The following CCDC85A variants were observed in gnomAD, a reference collection of about 807,000 sequenced individuals.
CCDC85A encodes coiled-coil domain-containing protein 85A.
CCDC85A carries 38 observed loss-of-function variants against 50.2 expected under a neutral mutation model. The ratio of observed to expected loss-of-function variants is 0.76; its 90% CI spans 0.58 to 0.99. CCDC85A has a LOEUF of 0.99. CCDC85A is among the 50% of genes least tolerant of loss of function. CCDC85A has a pLI of 0.00. For missense variants in CCDC85A, 820 were observed against 742.0 expected (o/e 1.11, Z -1.22); for synonymous variants, 366 against 301.4 (o/e 1.21, Z -2.22).
intron 2 of CCDC85A, among the ~76,000 whole-genome samples, chr2:56,267,505 A>G (rs1030766590): frequency 1.3e-5 from 2 of 152,198 alleles, no homozygotes; most frequent in Non-Finnish European, 2.9e-5. Context: ...GGTATATTCA[A>G]CATAGTACAC....
chr2:56,323,241 T>C (rs1016499206), intron 2 of CCDC85A, among the ~76,000 whole-genome samples: 1 of 152,130 alleles, frequency 6.6e-6, no homozygotes, highest in Non-Finnish European at 1.5e-5. Context: ...CATGTATACA[T>C]ATGTAACAAA....
intron 3 of CCDC85A, among the ~76,000 whole-genome samples, chr2:56,354,842 A>C (rs1032868071): frequency 2.6e-5 from 4 of 152,218 alleles, no homozygotes; most frequent in Non-Finnish European, 4.4e-5. Context: ...ATTAAAAATT[A>C]TACAAAGTAT....
At chr2:56,322,453 A>G (rs1673251082) in intron 2 of CCDC85A, among the ~76,000 whole-genome samples, 1 of 152,190 alleles carries the variant, frequency 6.6e-6, no homozygotes, top group Non-Finnish European at 1.5e-5. Flanking sequence ...ACAAGAAAAA[A>G]TCAAACAACC....
chr2:56,299,085 T>C (rs375845764), intron 2 of CCDC85A, among the ~76,000 whole-genome samples: 76 of 152,316 alleles, frequency 5.0e-4, no homozygotes, highest in Admixed American at 5.9e-4. Flanking sequence ...TTTCCCCACC[T>C]GTAGTTCTCA....
chr2:56,364,953 T>C (rs545019207), intron 3 of CCDC85A, among the ~76,000 whole-genome samples: 45 of 152,300 alleles, frequency 3.0e-4, no homozygotes, highest in African/African-American at 9.4e-4. Flanking sequence ...GATCAATCTG[T>C]CCACCACCAA....
chr2:56,225,271 A>G (rs1668495549), intron 2 of CCDC85A, among the ~76,000 whole-genome samples: 1 of 152,110 alleles, frequency 6.6e-6, no homozygotes, highest in Non-Finnish European at 1.5e-5. Context: ...AAAATTATAT[A>G]AACAACTAGC....
intron 2 of CCDC85A, among the ~76,000 whole-genome samples, chr2:56,244,463 C>G (rs902932012): frequency 6.6e-6 from 1 of 151,930 alleles, no homozygotes; most frequent in Non-Finnish European, 1.5e-5. Flanking sequence ...CTTTCAGGGA[C>G]TTAGGCTCCC....
At chr2:56,275,112 G>A (rs1477905168) in intron 2 of CCDC85A, among the ~76,000 whole-genome samples, 2 of 151,862 alleles carry the variant, frequency 1.3e-5, no homozygotes, top group Non-Finnish European at 2.9e-5. Flanking sequence ...ATGACTTTTT[G>A]TTGTTGTTAG....
chr2:56,245,868 G>A (rs1223293811), intron 2 of CCDC85A, among the ~76,000 whole-genome samples: 1 of 152,188 alleles, frequency 6.6e-6, no homozygotes, highest in Middle Eastern at 3.2e-3. Flanking sequence ...CAGACCAAAT[G>A]CCATCTCCTT....
intron 2 of CCDC85A, among the ~76,000 whole-genome samples, chr2:56,249,624 C>T (rs1272918849): frequency 1.3e-5 from 2 of 152,228 alleles, no homozygotes; most frequent in Non-Finnish European, 2.9e-5. Flanking sequence ...AGAAACTTGA[C>T]CTTGTTACAT....
At position 56,257,462 on chromosome 2, in the gene CCDC85A, C is replaced by T. The variant is rs185277750; in HGVS notation, c.1240+64022C>T. ...AAATAAACAGCTAGGGGCAAGCATA[C>T]GACGAGGGGCCAAAAACAATGGAGG... On this transcript the variant is annotated intron_variant, in intron 2 of 5. Transcript: ENST00000407595. 3.1e-3 allele frequency among the ~76,000 whole-genome samples: 476 copies of T among 152,056 alleles called. 9 individuals are homozygous for T. Among genetic ancestry groups the T allele is most frequent in the African/African-American group, 0.011 (461 of 41,486 alleles).
intron 2 of CCDC85A, among the ~76,000 whole-genome samples, chr2:56,278,647 C>T (rs1671070893): frequency 6.6e-6 from 1 of 152,082 alleles, no homozygotes; most frequent in East Asian, 1.9e-4. Context: ...AATCTCGGCT[C>T]ACTGCAACCT....
intron 2 of CCDC85A, among the ~76,000 whole-genome samples, chr2:56,251,653 C>A (rs1249922421): frequency 2.0e-5 from 3 of 152,052 alleles, no homozygotes; most frequent in Admixed American, 2.0e-4. Context: ...TTTACCTGCT[C>A]TGCCTCTTCT....
At chr2:56,221,541 T>C (rs1247454433) in intron 2 of CCDC85A, among the ~76,000 whole-genome samples, 1 of 152,106 alleles carries the variant, frequency 6.6e-6, no homozygotes, top group Admixed American at 6.6e-5. Flanking sequence ...GCAGTTGTTA[T>C]TGTAATTTTG....
intron 2 of CCDC85A, among the ~76,000 whole-genome samples, chr2:56,295,275 C>T (rs1197642133): frequency 6.6e-6 from 1 of 152,110 alleles, no homozygotes; most frequent in South Asian, 2.1e-4. Flanking sequence ...TTTTTGCTCA[C>T]AGTTTTTAAG....
intron 2 of CCDC85A, among the ~76,000 whole-genome samples, chr2:56,205,999 C>T (rs1055264288): frequency 6.6e-6 from 1 of 151,864 alleles, no homozygotes; most frequent in African/African-American, 2.4e-5. Context: ...TTTAGATAGG[C>T]TGGCAGGAGG....
chr2:56,366,577 G>T (rs996437007), intron 3 of CCDC85A, among the ~76,000 whole-genome samples: 11 of 152,140 alleles, frequency 7.2e-5, no homozygotes, highest in Admixed American at 5.9e-4. Flanking sequence ...CAGGTCCTTT[G>T]CTCATTTTTC....
In CCDC85A at chr2:56,184,681, C is replaced by T. The variant is rs928493595; in HGVS notation, c.57C>T (p.Ser19=). ...AAAAAAAESC[S]PAPAGSSAAP... Reference sequence around the variant, plus strand: ...CTGCGGCGGCGGCGGAAAGTTGTTCCCCAGCCCCGGCCGGCTCGTCCGCGG... The same window carrying T: ...CTGCGGCGGCGGCGGAAAGTTGTTCTCCAGCCCCGGCCGGCTCGTCCGCGG... Residue 19 remains serine (S), a synonymous_variant, in exon 1 of 6, where the codon TCC becomes TCT. Coordinates refer to ENST00000407595, the MANE Select transcript of CCDC85A (RefSeq NM_001080433.2). The T allele has an allele frequency of 1.1e-5, 17 of 1,510,264 alleles. No individual in the cohort carries two copies. Among genetic ancestry groups the T allele is most frequent in the African/African-American group, 1.5e-5 (1 of 68,678 alleles). The allele number at this position is 1,510,264 out of a possible 1,614,324, so 93.6% of individuals were successfully genotyped here.
chr2:56,358,970 T>A (rs372513768), intron 3 of CCDC85A, among the ~76,000 whole-genome samples: 3 of 60,718 alleles, frequency 4.9e-5, no homozygotes, highest in African/African-American at 9.1e-5. Flanking sequence ...TATTTTTTTT[T>A]TTTTTTTTTT....
Sources: gnomAD v4.1 joint callset for allele counts (sites outside exome capture counted in the v4.1 genomes callset) on GRCh38, gnomAD v4.1.1 for gene constraint, MANE v1.5 for transcripts, NCBI Gene and HGNC (gene_info 2026-07-23, HGNC 2026-07-21) for gene names.